The following GPSM1 variants were observed in gnomAD, a reference collection of about 807,000 sequenced individuals.
GPSM1 encodes G protein-signaling modulator 1.
In GPSM1, 48 loss-of-function variants were observed where a neutral mutation model predicts 70.5. The observed-to-expected ratio is 0.68, with a 90% CI of 0.54 to 0.87. GPSM1 has a LOEUF of 0.87. GPSM1 is among the 40% of genes least tolerant of loss of function. GPSM1 has a pLI of 0.00. For missense variants in GPSM1, 981 were observed against 972.6 expected (o/e 1.01, Z -0.11); for synonymous variants, 416 against 430.1 (o/e 0.97, Z 0.41).
chr9:136,330,141 G>T (rs1433602046), intron 1 of GPSM1, among the ~76,000 whole-genome samples: 1 of 152,132 alleles, frequency 6.6e-6, no homozygotes, highest in Non-Finnish European at 1.5e-5. Flanking sequence ...CCGGAAAGTG[G>T]GGAAACCCTG....
At chr9:136,338,003 G>T (rs782562713) in intron 6 of GPSM1, 42 bp downstream of exon 6, 1 of 1,338,734 alleles carries the variant, frequency 7.5e-7, no homozygotes, top group Non-Finnish European at 1.0e-6. Context: ...AGCAGGCCGG[G>T]GGGGCTGGAT....
chr9:136,358,734 A>C lies in GPSM1; in HGVS notation c.*514A>C. The C allele has an allele frequency of 1.8e-5, 3 of 169,424 alleles. No individual in the cohort carries two copies. Among genetic ancestry groups the C allele is most frequent in the Non-Finnish European group, 2.5e-5 (2 of 80,754 alleles). 10.5% of individuals were successfully genotyped at this position (169,424 alleles called of 1,614,324 possible). Reference sequence around the variant, plus strand: ...GGGCTCCCTCCAAGCCTGTCTCCCCACTCCCCGGCCAGAGGTCAGCAACCA... The same window carrying C: ...GGGCTCCCTCCAAGCCTGTCTCCCCCCTCCCCGGCCAGAGGTCAGCAACCA... On this transcript the variant is annotated 3_prime_UTR_variant, in exon 14 of 14. Coordinates refer to ENST00000440944, the MANE Select transcript of GPSM1 (RefSeq NM_001145638.3).
In GPSM1 at chr9:136,356,181, A is replaced by C. The variant is rs1275816887; in HGVS notation, c.1613-161A>C. ...AGCCACAGCAGGGGGAGCAGCTGAG[A>C]GCTGCCTAGGCCGGTCAGCGGAGAC... is the stretch of plus-strand genomic sequence containing the variant. On this transcript the variant is annotated intron_variant, in intron 12 of 13. Transcript: ENST00000440944. Among the ~76,000 whole-genome samples, 3 of 151,984 alleles carry C rather than the reference A, an allele frequency of 2.0e-5. No individual in the cohort carries two copies. The East Asian group carries it at 5.8e-4, about 30-fold the overall frequency.
chr9:136,350,792 G>A (rs972103671), intron 11 of GPSM1, among the ~76,000 whole-genome samples: 7 of 152,348 alleles, frequency 4.6e-5, no homozygotes, highest in Middle Eastern at 3.4e-3. Flanking sequence ...AGCCCCCCGC[G>A]TTGCTGTGGC....
intron 2 of GPSM1, 61 bp from the exon 3 acceptor site, chr9:136,335,905 C>T (rs1554769122): frequency 2.6e-6 from 4 of 1,560,786 alleles, no homozygotes; most frequent in Non-Finnish European, 3.5e-6. Context: ...CTCAGCCTCC[C>T]CCCGGGCCCA....
Position 136,343,887 on chromosome 9 carries a change from C to A in GPSM1, c.1207+2894C>A, listed in dbSNP as rs531470966. Among the ~76,000 whole-genome samples, 1 of 152,300 alleles carries A rather than the reference C, an allele frequency of 6.6e-6. No homozygotes were observed. The highest frequency in any genetic ancestry group is 2.1e-4 in the South Asian group (1 of 4,834). On this transcript the variant is annotated intron_variant, in intron 9 of 13. Transcript: ENST00000440944. This position sits in a 1 kb window ranked among gnomAD's most constrained non-coding sequence, Gnocchi z 6.0. ...ATGGAGGATGCACCCTCTGTCCGTG[C>A]GCCTAAGAGGGCCCAGAGGGGACAG...
intron 11 of GPSM1, among the ~76,000 whole-genome samples, chr9:136,351,672 C>T (rs1488075111): frequency 1.3e-5 from 2 of 152,202 alleles, no homozygotes; most frequent in African/African-American, 4.8e-5. Context: ...TTGGCCAGGG[C>T]CCCAGGGAGC....
intron 7 of GPSM1, among the ~76,000 whole-genome samples, chr9:136,339,251 G>A (rs149760669): frequency 4.6e-5 from 7 of 152,378 alleles, no homozygotes; most frequent in Non-Finnish European, 1.0e-4. Flanking sequence ...CCAGTGGATC[G>A]TCCACGTGAA....
intron 8 of GPSM1, 43 bp downstream of exon 8, chr9:136,339,858 C>T (rs1832342553): frequency 8.1e-7 from 1 of 1,232,558 alleles, no homozygotes. Context: ...ACTGCCCAGC[C>T]CACTCCAGAC....
At chr9:136,349,859 C>G (rs573817812) in intron 11 of GPSM1, 96 bp downstream of exon 11, 1 of 1,211,006 alleles carries the variant, frequency 8.3e-7, no homozygotes, top group African/African-American at 1.5e-5. Context: ...AGGTCAGGCC[C>G]GGGCACTCCG....
At chr9:136,332,092 GC>G in intron 1 of GPSM1, 1 of 399,058 alleles carries the variant, frequency 2.5e-6, no homozygotes, top group Non-Finnish European at 4.4e-6. Flanking sequence ...GGCGCCCCCC[GC>G]CCCCGCCCGC....
intron 12 of GPSM1, 61 bp downstream of exon 12, chr9:136,355,907 C>A (rs1554773029): frequency 1.4e-6 from 2 of 1,393,650 alleles, no homozygotes; most frequent in East Asian, 2.3e-5. Context: ...AGGACCAGGG[C>A]TCCCGTCCTG....
chr9:136,344,610 T>A (rs143484086), intron 9 of GPSM1, among the ~76,000 whole-genome samples: 130 of 152,240 alleles, frequency 8.5e-4, no homozygotes, highest in Non-Finnish European at 1.4e-3. Context: ...CCTAACACCA[T>A]CCCATGGGGA....
In GPSM1 at chr9:136,341,647, C is replaced by G; in HGVS notation, c.1207+654C>G. On this transcript the variant is annotated intron_variant, in intron 9 of 13. Transcript: ENST00000440944. The surrounding 1 kb of genome is among the most constrained non-coding windows in gnomAD (Gnocchi z 6.7). ...GCTTGGGGGGAGCAGCTGCCCCACC[C>G]ATGTGTCCCCCACTCCCAAAGGTCT... 1 of 1,003,252 alleles carries G rather than the reference C, an allele frequency of 1.0e-6. No homozygotes were observed. Among genetic ancestry groups the G allele is most frequent in the Non-Finnish European group, 1.2e-6 (1 of 840,116 alleles). 62.1% of individuals were successfully genotyped at this position (1,003,252 alleles called of 1,614,324 possible).
Position 136,358,201 on chromosome 9 carries a change from G to A in GPSM1, c.2009G>A (p.Cys670Tyr). The stretch of plus-strand genomic sequence containing the variant: ...GGCCCGCCCGAGCCCCAGCAGCAGT[G>A]CCAGCCTGGTGCGAGCTAAGGCCCT... ...AGGPPEPQQQCQPGAS is the reference protein window; with the variant it reads ...AGGPPEPQQQYQPGAS The change falls in exon 14 of 14, where the codon TGC becomes TAC. Residue 670 changes from cysteine to tyrosine, a missense_variant. Physicochemically the swap from Cys to Tyr is radical, Grantham distance 194. Coordinates refer to ENST00000440944, the MANE Select transcript of GPSM1 (RefSeq NM_001145638.3). 6.4e-7 allele frequency: 1 copy of A among 1,556,944 alleles called. No homozygotes were observed. Among genetic ancestry groups the A allele is most frequent in the Non-Finnish European group, 8.7e-7 (1 of 1,154,844 alleles).
In GPSM1 at chr9:136,341,400, G is replaced by A; in HGVS notation, c.1207+407G>A. On this transcript the variant is annotated intron_variant, in intron 9 of 13. Transcript: ENST00000440944. This position sits in a 1 kb window ranked among gnomAD's most constrained non-coding sequence, Gnocchi z 6.7. ...CTGGGCTGGGCTGGGCTGGGCTGTG[G>A]GAGCCCTATGTGCCTGGGGCAGTAA... 7.0e-7 allele frequency: 1 copy of A among 1,422,292 alleles called. No individual in the cohort carries two copies. Among genetic ancestry groups the A allele is most frequent in the East Asian group, 2.6e-5 (1 of 38,904 alleles). 88.1% of individuals were successfully genotyped at this position (1,422,292 alleles called of 1,614,324 possible).
intron 11 of GPSM1, among the ~76,000 whole-genome samples, chr9:136,352,562 CTTGAG>C (rs1271266906): frequency 1.3e-5 from 2 of 152,344 alleles, no homozygotes; most frequent in African/African-American, 4.8e-5. Flanking sequence ...CAACCAGAGG[CTTGAG>C]TTGAGCTGGC....
chr9:136,348,363 C>T (rs782012644), intron 9 of GPSM1, among the ~76,000 whole-genome samples: 1 of 152,188 alleles, frequency 6.6e-6, no homozygotes, highest in African/African-American at 2.4e-5. Context: ...GTGATCCAGG[C>T]AGAGGGAACA....
chr9:136,330,686 G>A (rs1002964078), intron 1 of GPSM1, among the ~76,000 whole-genome samples: 1 of 152,216 alleles, frequency 6.6e-6, no homozygotes, highest in Non-Finnish European at 1.5e-5. Context: ...CCAGCATGTA[G>A]GTGACGGCCT....
Sources: allele counts gnomAD v4.1 joint callset (sites outside exome capture counted in the v4.1 genomes callset), GRCh38; gene constraint gnomAD v4.1.1; non-coding constraint Gnocchi (gnomAD v3.1); transcripts MANE v1.5; gene names NCBI Gene and HGNC (gene_info 2026-07-23, HGNC 2026-07-21).